Variants in GALNT13 observed in about 807,000 individuals in gnomAD.
The protein encoded by GALNT13 is polypeptide N-acetylgalactosaminyltransferase 13, also known as UDP-GalNAc:polypeptide N-acetylgalactosaminyltransferase 13.
In GALNT13, 28 loss-of-function variants were observed where a neutral mutation model predicts 64.2. The ratio of observed to expected loss-of-function variants is 0.44; its 90% CI spans 0.32 to 0.60. GALNT13 has a LOEUF of 0.60. Among genes scored for constraint, GALNT13 ranks in the 20% least tolerant of loss-of-function variants. The pLI, the probability that GALNT13 is intolerant of heterozygous loss-of-function variation, is 0.05. For synonymous variants in GALNT13, 214 were observed against 224.6 expected (o/e 0.95, Z 0.42); for missense variants, 577 against 669.8 (o/e 0.86, Z 1.53).
At chr2:153,391,025 G>T in the GALNT13 span, among the ~76,000 whole-genome samples, 1 of 151,986 alleles carries the variant, frequency 6.6e-6, no homozygotes, top group Admixed American at 6.6e-5. Context: ...TTGAGAGTGT[G>T]AGCAAACAAC....
the GALNT13 span, among the ~76,000 whole-genome samples, chr2:153,184,832 A>G: frequency 1.3e-5 from 2 of 152,170 alleles, no homozygotes; most frequent in Admixed American, 6.5e-5. Context: ...TTTAGTGGAT[A>G]AACTCTTTGA....
At position 154,115,971 on chromosome 2, in the gene GALNT13, G is replaced by A. The variant is rs142770845; in HGVS notation, c.143-24366G>A. On this transcript the variant is annotated intron_variant, in intron 3 of 12. Coordinates refer to ENST00000392825, the MANE Select transcript of GALNT13 (RefSeq NM_052917.4). ...CTCTGAACCTTACCTCTAGGAGCCCGCTGGGACTCTATTCTAGTTATAGGT... is the reference window on the plus strand; with the variant it reads ...CTCTGAACCTTACCTCTAGGAGCCCACTGGGACTCTATTCTAGTTATAGGT... 4.8e-4 allele frequency among the ~76,000 whole-genome samples: 73 copies of A among 152,218 alleles called. No homozygotes were observed. In the Middle Eastern group the frequency reaches 0.01, roughly 21 times the overall value.
intron 3 of GALNT13, among the ~76,000 whole-genome samples, chr2:153,964,066 CTT>C (rs34001244): frequency 2.0e-5 from 3 of 151,478 alleles, no homozygotes; most frequent in East Asian, 1.9e-4. Flanking sequence ...GTTAAAGTTC[CTT>C]TTTTTTCCCC....
intron 4 of GALNT13, among the ~76,000 whole-genome samples, chr2:154,178,156 A>G (rs1336573769): frequency 6.6e-6 from 1 of 151,992 alleles, no homozygotes. Flanking sequence ...TCACCACTAT[A>G]AGTTAGGTGC....
At chr2:153,083,557 TC>T in the GALNT13 span, among the ~76,000 whole-genome samples, 3 of 152,236 alleles carry the variant, frequency 2.0e-5, no homozygotes, top group African/African-American at 7.2e-5. Context: ...AATTATCTGT[TC>T]ATGTCCCTTG....
At chr2:153,143,178 C>G in the GALNT13 span, among the ~76,000 whole-genome samples, 4 of 152,072 alleles carry the variant, frequency 2.6e-5, no homozygotes, top group African/African-American at 9.6e-5. Context: ...CAGCCCAAGA[C>G]TCTTGTTATC....
chr2:153,174,986 T>C, the GALNT13 span, among the ~76,000 whole-genome samples: 1 of 152,102 alleles, frequency 6.6e-6, no homozygotes, highest in East Asian at 1.9e-4. Flanking sequence ...GATTACCAAA[T>C]CTAGGATTAT....
At chr2:153,093,466 T>C in the GALNT13 span, among the ~76,000 whole-genome samples, 1 of 152,042 alleles carries the variant, frequency 6.6e-6, no homozygotes, top group Non-Finnish European at 1.5e-5. Flanking sequence ...CTCGAACTCC[T>C]GAGCTCAGGC....
intron 2 of GALNT13, among the ~76,000 whole-genome samples, 169 bp from the exon 3 acceptor site, chr2:153,944,225 C>G (rs1258287064): frequency 2.0e-5 from 3 of 152,100 alleles, no homozygotes; most frequent in Non-Finnish European, 4.4e-5. Flanking sequence ...TGTTAGCCAA[C>G]TAGCTTGCTA....
the GALNT13 span, among the ~76,000 whole-genome samples, chr2:153,215,218 T>G: frequency 6.6e-6 from 1 of 152,084 alleles, no homozygotes; most frequent in Non-Finnish European, 1.5e-5. Context: ...TCTTTCCCAC[T>G]AAATTCTCAT....
chr2:153,677,006 A>G, the GALNT13 span, among the ~76,000 whole-genome samples: 6 of 152,106 alleles, frequency 3.9e-5, no homozygotes, highest in Admixed American at 3.9e-4. Context: ...TATTCAACAT[A>G]GCACTGGAAA....
intron 4 of GALNT13, among the ~76,000 whole-genome samples, chr2:154,149,276 C>T (rs987970061): frequency 8.5e-5 from 13 of 152,048 alleles, no homozygotes; most frequent in African/African-American, 3.1e-4. Flanking sequence ...TGTTCTATTC[C>T]ATTGATCTAT....
At chr2:154,356,548 T>C (rs1574149780) in intron 9 of GALNT13, among the ~76,000 whole-genome samples, 1 of 152,032 alleles carries the variant, frequency 6.6e-6, no homozygotes, top group African/African-American at 2.4e-5. Context: ...TGAGGTACTT[T>C]ATCATTTACA....
chr2:154,315,107 T>C (rs1211398078), intron 9 of GALNT13, among the ~76,000 whole-genome samples: 1 of 152,140 alleles, frequency 6.6e-6, no homozygotes, highest in Non-Finnish European at 1.5e-5. Context: ...ATTGTCCCTT[T>C]AAAATAGTCA....
chr2:153,364,653 AAATATCTAGG>A, the GALNT13 span, among the ~76,000 whole-genome samples: 1 of 152,174 alleles, frequency 6.6e-6, no homozygotes, highest in Non-Finnish European at 1.5e-5. Context: ...AAAGAGAATG[AAATATCTAGG>A]AATACAGCTA....
chr2:153,531,276 G>T, the GALNT13 span, among the ~76,000 whole-genome samples: 9 of 152,186 alleles, frequency 5.9e-5, no homozygotes, highest in Non-Finnish European at 2.9e-5. Flanking sequence ...AGCTTCTGGG[G>T]AAGCCTCAGG....
the GALNT13 span, among the ~76,000 whole-genome samples, chr2:153,249,775 G>A: frequency 6.6e-6 from 1 of 152,056 alleles, no homozygotes; most frequent in Non-Finnish European, 1.5e-5. Context: ...AAGCAATGAG[G>A]AAATTATTCC....
intron 3 of GALNT13, among the ~76,000 whole-genome samples, chr2:153,990,899 TAG>T (rs1161879173): frequency 1.3e-5 from 2 of 152,178 alleles, no homozygotes; most frequent in Non-Finnish European, 2.9e-5. Context: ...AATTAGCTAT[TAG>T]CCTACAGCTT....
intron 4 of GALNT13, among the ~76,000 whole-genome samples, chr2:154,153,599 T>C (rs1002262748): frequency 2.0e-5 from 3 of 152,218 alleles, no homozygotes; most frequent in Non-Finnish European, 4.4e-5. Flanking sequence ...TCGAGCTTCC[T>C]GGCTGCTTTG....
Sources: allele counts gnomAD v4.1 joint callset (sites outside exome capture counted in the v4.1 genomes callset), GRCh38; gene constraint gnomAD v4.1.1; transcripts MANE v1.5; gene names NCBI Gene and HGNC (gene_info 2026-07-23, HGNC 2026-07-21).